GOLGA8K: variants seen among roughly 807,000 people sequenced by gnomAD.
The protein encoded by GOLGA8K is golgin A8 family member K.
GOLGA8K carries 12 observed loss-of-function variants against 75.2 expected under a neutral mutation model. The ratio of observed to expected loss-of-function variants is 0.16; its 90% confidence interval spans 0.10 to 0.26. The LOEUF (loss-of-function observed/expected upper bound fraction) is 0.26. GOLGA8K is among the 10% of genes least tolerant of loss of function. The pLI is 1.00. For missense variants in GOLGA8K, 109 were observed against 640.8 expected (o/e 0.17, Z 8.96); for synonymous variants, 48 against 236.6 (o/e 0.20, Z 7.32).
chr15:32,402,018 G>GT lies in GOLGA8K; in HGVS notation c.49-544dup. 1.0e-5 allele frequency: 2 copies of GT among 195,702 alleles called. 1 individual carries two copies. Among genetic ancestry groups the GT allele is most frequent in the Non-Finnish European group, 1.8e-5 (2 of 111,706 alleles). The allele number at this position is 195,702 out of a possible 1,614,324, so 12.1% of individuals were successfully genotyped here. A position where few individuals can be genotyped will look rare whatever the true frequency, so the allele number is the denominator to read the frequency against. ...GACTGTCATCCCTAAGTACATTCATGTTTTTTCTCTTGATCTCAAGAGAAT... is the reference window on the plus strand; with the variant it reads ...GACTGTCATCCCTAAGTACATTCATGTTTTTTTCTCTTGATCTCAAGAGAAT... On this transcript the variant is annotated intron_variant, in intron 1 of 18. Coordinates refer to ENST00000512626, the MANE Select transcript of GOLGA8K (RefSeq NM_001282493.2).
At chr15:32,397,616 A>G in intron 8 of GOLGA8K, 113 bp from the exon 9 acceptor site, 2 of 1,375,730 alleles carry the variant, frequency 1.5e-6, no homozygotes, top group South Asian at 2.4e-5. Context: ...GTAAAGATCA[A>G]GGCATTTCCC....
chr15:32,396,745 G>GGACACTGA (rs1373701085), intron 11 of GOLGA8K, among the ~76,000 whole-genome samples, 175 bp downstream of exon 11: 1 of 146,126 alleles, frequency 6.8e-6, no homozygotes, highest in African/African-American at 2.5e-5. Context: ...TTGCTGATGG[G>GGACACTGA]GACACTGAGA....
In GOLGA8K at chr15:32,395,918, C is replaced by T. The variant is rs781435749; in HGVS notation, c.1200+45G>A. 6.3e-4 allele frequency: 953 copies of T among 1,503,136 alleles called. 46 individuals are homozygous for T. Among genetic ancestry groups the T allele is most frequent in the Non-Finnish European group, 8.0e-4 (889 of 1,113,700 alleles). The allele number at this position is 1,503,136 out of a possible 1,614,324, so 93.1% of individuals were successfully genotyped here. On this transcript the variant is annotated intron_variant, in intron 13 of 18. Transcript: ENST00000512626. ...CCCCTCCCAAGAGGCTGCTGCCCGC[C>T]TCCCAGCCCTTCTTGGATGGGGTGG... is the stretch of plus-strand genomic sequence containing the variant.
At position 32,389,993 on chromosome 15, in the gene GOLGA8K, T is replaced by C. The variant is rs1327894658; in HGVS notation, c.*2789A>G. 4.9e-5 allele frequency among the ~76,000 whole-genome samples: 2 copies of C among 40,808 alleles called. 1 individual carries two copies. The highest frequency in any genetic ancestry group is 5.6e-4 in the Admixed American group (2 of 3,570). 26.8% of individuals were successfully genotyped at this position (40,808 alleles called of 152,430 possible). On this transcript the variant is annotated 3_prime_UTR_variant, in exon 19 of 19. Transcript: ENST00000512626. Reference sequence around the variant, plus strand: ...CTAAAATCAGCTTTGGTTTTAGAGCTGATTTTTTTTTTCATTTCTGGAAAA... The same window carrying C: ...CTAAAATCAGCTTTGGTTTTAGAGCCGATTTTTTTTTTCATTTCTGGAAAA...
At chr15:32,398,204 C>T (rs1479638619) in intron 8 of GOLGA8K, among the ~76,000 whole-genome samples, 1 of 143,270 alleles carries the variant, frequency 7.0e-6, no homozygotes, top group East Asian at 2.1e-4. Context: ...GCACGCGTTT[C>T]CTCTTTCTAC....
Position 32,393,066 on chromosome 15 carries a change from G to C in GOLGA8K, c.1693C>G (p.Leu565Val), listed in dbSNP as rs1328786168. The C allele has an allele frequency of 2.0e-6, 3 of 1,520,258 alleles. No homozygotes were observed. Among genetic ancestry groups the C allele is most frequent in the Non-Finnish European group, 2.6e-6 (3 of 1,137,698 alleles). 94.2% of individuals were successfully genotyped at this position (1,520,258 alleles called of 1,614,324 possible). The change falls in exon 18 of 19, where the codon CTT becomes GTT. Residue 565 changes from leucine (L) to valine (V), a missense_variant. Coordinates refer to ENST00000512626, the MANE Select transcript of GOLGA8K (RefSeq NM_001282493.2). Reference sequence around the variant, plus strand: ...CCACCATGCTTGTCTGCAGCCCCAAGCTCCTGGGGAGCTGGGGCTCCTGGA... The same window carrying C: ...CCACCATGCTTGTCTGCAGCCCCAACCTCCTGGGGAGCTGGGGCTCCTGGA... The part of the protein sequence containing the change: ...PGPGAPAPQE[L>V]GAADKHGDLR...
At chr15:32,395,528 C>T (rs1422795944) in intron 13 of GOLGA8K, among the ~76,000 whole-genome samples, 13 of 143,690 alleles carry the variant, frequency 9.0e-5, no homozygotes, top group African/African-American at 2.5e-4. Context: ...TACAGGCATG[C>T]GCCACAATGT....
intron 8 of GOLGA8K, among the ~76,000 whole-genome samples, chr15:32,398,164 A>G (rs2054654356): frequency 6.5e-5 from 2 of 30,992 alleles, no homozygotes; most frequent in East Asian, 2.2e-3. Context: ...CACAGTATGT[A>G]CACACACACA....
chr15:32,394,718 T>A lies in GOLGA8K; in HGVS notation c.1223A>T (p.Gln408Leu). 6.5e-7 allele frequency: 1 copy of A among 1,548,612 alleles called. No homozygotes were observed. Among genetic ancestry groups the A allele is most frequent in the Non-Finnish European group, 8.7e-7 (1 of 1,145,314 alleles). ...LGEEHLEAASQQNQQLTAQLS... is the reference protein window; with the variant it reads ...LGEEHLEAASLQNQQLTAQLS... ...CTGGGCCGTTAGCTGCTGGTTCTGC[T>A]GGCTGGCCGCTTCCAGGTGCTCCTG... The change falls in exon 14 of 19, where the codon CAG becomes CTG. Residue 408 changes from glutamine to leucine, a missense_variant. By Grantham distance (113) the Gln-to-Leu change is moderately radical. Transcript: ENST00000512626.
chr15:32,395,213 C>T (rs1040952936), intron 13 of GOLGA8K, among the ~76,000 whole-genome samples: 1 of 113,922 alleles, frequency 8.8e-6, no homozygotes, highest in African/African-American at 2.9e-5. Context: ...CCCATGCCTC[C>T]TTCCCCAGCC....
chr15:32,397,626 C>A lies in GOLGA8K; in HGVS notation c.592-123G>T, dbSNP rs1453655819. ...GGTCAGTAAAGATCAAGGCATTTCC[C>A]AGCCCGTGGTCTGGTTTTTAAAAGA... On this transcript the variant is annotated intron_variant, in intron 8 of 18. Coordinates refer to ENST00000512626, the MANE Select transcript of GOLGA8K (RefSeq NM_001282493.2). 5.0e-4 allele frequency: 663 copies of A among 1,325,128 alleles called. 16 individuals are homozygous for A. The highest frequency in any genetic ancestry group is 3.8e-3 in the African/African-American group (261 of 68,376). The allele number at this position is 1,325,128 out of a possible 1,614,324, so 82.1% of individuals were successfully genotyped here. A position where few individuals can be genotyped will look rare whatever the true frequency, so the allele number is the denominator to read the frequency against.
intron 13 of GOLGA8K, among the ~76,000 whole-genome samples, 191 bp from the exon 14 acceptor site, chr15:32,394,931 C>G (rs530640109): frequency 9.2e-3 from 1,369 of 149,076 alleles, no homozygotes; most frequent in African/African-American, 0.031. Context: ...ACTGCCTGTA[C>G]AGCGCCTCCT....
Position 32,393,482 on chromosome 15 carries a change from CTG to C in GOLGA8K, c.1452_1453del (p.Asp484GlufsTer36). The C allele has an allele frequency of 8.8e-7, 1 of 1,141,894 alleles. No homozygotes were observed. Among genetic ancestry groups the C allele is most frequent in the Non-Finnish European group, 1.2e-6 (1 of 862,626 alleles). The allele number at this position is 1,141,894 out of a possible 1,614,324, so 70.7% of individuals were successfully genotyped here. ...CTGGCCTCCCACTCACTGATGGCGT[CTG>C]TCTCGCCAGTGGTGGATGAAGCAGA... On this transcript the variant is annotated frameshift_variant, in exon 16 of 19. Transcript: ENST00000512626. LOFTEE classifies it high-confidence loss of function.
intron 13 of GOLGA8K, among the ~76,000 whole-genome samples, chr15:32,395,349 C>G (rs866221355): frequency 1.4e-5 from 2 of 147,934 alleles, no homozygotes; most frequent in Admixed American, 7.0e-5. Context: ...CCAGTGGAAC[C>G]GAGGCTGGAA....
At position 32,398,772 on chromosome 15, in the gene GOLGA8K, G is replaced by A; in HGVS notation, c.474C>T (p.Tyr158=). The A allele has an allele frequency of 6.7e-7, 1 of 1,492,538 alleles. No homozygotes were observed. The highest frequency in any genetic ancestry group is 9.1e-7 in the Non-Finnish European group (1 of 1,104,294). The allele number at this position is 1,492,538 out of a possible 1,614,324, so 92.5% of individuals were successfully genotyped here. Residue 158 remains tyrosine, a synonymous_variant, in exon 7 of 19, where the codon TAC becomes TAT. Transcript: ENST00000512626. ...GGGTGCCCAGATTCCCACCTTCAAAGTATCTGAGAGAACGTTTCATGTGGT... is the reference window on the plus strand; with the variant it reads ...GGGTGCCCAGATTCCCACCTTCAAAATATCTGAGAGAACGTTTCATGTGGT... ...DLYHMKRSLR[Y]FEEKSKDLAV...
In GOLGA8K at chr15:32,397,601, G is replaced by T. The variant is rs1351956214; in HGVS notation, c.592-98C>A. ...TAGGGCTAGGCCCAATATACAACTCGGTCAGTAAAGATCAAGGCATTTCCC... is the reference window on the plus strand; with the variant it reads ...TAGGGCTAGGCCCAATATACAACTCTGTCAGTAAAGATCAAGGCATTTCCC... On this transcript the variant is annotated intron_variant, in intron 8 of 18. Coordinates refer to ENST00000512626, the MANE Select transcript of GOLGA8K (RefSeq NM_001282493.2). 5.0e-6 allele frequency: 7 copies of T among 1,403,272 alleles called. No homozygotes were observed. The East Asian group carries it at 1.7e-4, about 33-fold the overall frequency. 86.9% of individuals were successfully genotyped at this position (1,403,272 alleles called of 1,614,324 possible). A position where few individuals can be genotyped will look rare whatever the true frequency, so the allele number is the denominator to read the frequency against.
At position 32,396,014 on chromosome 15, in the gene GOLGA8K, G is replaced by C; in HGVS notation, c.1149C>G (p.Asn383Lys). The C allele has an allele frequency of 2.2e-6, 3 of 1,391,830 alleles. No homozygotes were observed. Among genetic ancestry groups the C allele is most frequent in the Middle Eastern group, 4.7e-4 (2 of 4,246 alleles). The allele number at this position is 1,391,830 out of a possible 1,614,324, so 86.2% of individuals were successfully genotyped here. A position where few individuals can be genotyped will look rare whatever the true frequency, so the allele number is the denominator to read the frequency against. Residue 383 changes from asparagine (N) to lysine (K), a missense_variant, in exon 13 of 19, where the codon AAC becomes AAG. Physicochemically the swap from Asn to Lys is moderately conservative, Grantham distance 94. Coordinates refer to ENST00000512626, the MANE Select transcript of GOLGA8K (RefSeq NM_001282493.2). ...VFEEPNNENK[N>K]ALQLEQQVKE... ...TTACTTGCTGCTCCAACTGCAGTGC[G>C]TTCTTGTTCTCATTGTTCTGGACAG... is the stretch of plus-strand genomic sequence containing the variant.
At chr15:32,396,573 CT>C (rs1288334469) in intron 11 of GOLGA8K, 30 bp from the exon 12 acceptor site, 1 of 1,526,132 alleles carries the variant, frequency 6.6e-7, no homozygotes, top group East Asian at 2.5e-5. Context: ...ATAAGGGCCT[CT>C]GGATTCTCGG....
rs2054615210 is a variant in GOLGA8K at position 32,396,379 on chromosome 15, C to T, written c.1039G>A (p.Glu347Lys). 2 of 1,316,318 alleles carry T rather than the reference C, an allele frequency of 1.5e-6. No homozygotes were observed. Among genetic ancestry groups the T allele is most frequent in the East Asian group, 5.6e-5 (2 of 35,582 alleles). The allele number at this position is 1,316,318 out of a possible 1,614,324, so 81.5% of individuals were successfully genotyped here. A position where few individuals can be genotyped will look rare whatever the true frequency, so the allele number is the denominator to read the frequency against. The change falls in exon 12 of 19, where the codon GAA (glutamate) becomes AAA (lysine). Residue 347 changes from glutamate (E) to lysine (K), a missense_variant. Coordinates refer to ENST00000512626, the MANE Select transcript of GOLGA8K (RefSeq NM_001282493.2). ...TCCTCCTGCTTCCGAAGCCTCTCTT[C>T]CTGCTCCTGAATCCTCTCTTCTTGT... Reference protein sequence around the residue: ...QRQEERIQEQEERLRKQEERI... With the variant: ...QRQEERIQEQKERLRKQEERI...
Sources: allele counts gnomAD v4.1 joint callset (sites outside exome capture counted in the v4.1 genomes callset), GRCh38; gene constraint gnomAD v4.1.1; transcripts MANE v1.5; gene names NCBI Gene and HGNC (gene_info 2026-07-23, HGNC 2026-07-21).